FSD1: variants seen among roughly 807,000 people sequenced by gnomAD.
FSD1 encodes the protein fibronectin type III and SPRY domain-containing protein 1.
FSD1 carries 23 observed loss-of-function variants against 58.2 expected under a neutral mutation model. The observed-to-expected ratio is 0.40, with a 90% CI of 0.28 to 0.56. The LOEUF (loss-of-function observed/expected upper bound fraction) is 0.56, where lower values mean the gene tolerates loss of function less well. FSD1 is among the 20% of genes least tolerant of loss of function. The pLI is 0.54. For synonymous variants in FSD1, 265 were observed against 263.4 expected, an observed-to-expected ratio of 1.01 and a Z score of -0.06; for missense variants, 563 against 670.8, an observed-to-expected ratio of 0.84 and a Z score of 1.78.
rs1599536069 is a variant in FSD1, at chr19:4,311,826, T to C, written c.491-16T>C. Reference sequence around the variant, plus strand: ...GGCACAGAATCCCGACCCCCTCTCCTTTCCGTCTTGGTCAGTGCCCAGCGC... The same window carrying C: ...GGCACAGAATCCCGACCCCCTCTCCCTTCCGTCTTGGTCAGTGCCCAGCGC... On this transcript the variant is annotated splice_polypyrimidine_tract_variant and intron_variant, in intron 6 of 12. Coordinates refer to ENST00000221856, the MANE Select transcript of FSD1 (RefSeq NM_024333.3). 6.2e-7 allele frequency: 1 copy of C among 1,613,480 alleles called. No individual in the cohort carries two copies. Among genetic ancestry groups the C allele is most frequent in the African/African-American group, 1.3e-5 (1 of 75,018 alleles).
intron 10 of FSD1, among the ~76,000 whole-genome samples, chr19:4,321,085 C>T (rs1174509099): frequency 3.0e-5 from 4 of 131,824 alleles, no homozygotes; most frequent in Non-Finnish European, 6.2e-5. Flanking sequence ...ATAGCTGAGA[C>T]TGAGGAGTAT....
At chr19:4,316,997 T>C (rs980115818) in intron 7 of FSD1, among the ~76,000 whole-genome samples, 185 bp from the exon 8 acceptor site, 1 of 152,040 alleles carries the variant, frequency 6.6e-6, no homozygotes, top group Non-Finnish European at 1.5e-5. Context: ...AGTTGATCCA[T>C]GCGCCTCGGC....
chr19:4,309,631 C>T (rs1337282740), intron 4 of FSD1, among the ~76,000 whole-genome samples: 4 of 152,140 alleles, frequency 2.6e-5, no homozygotes, highest in African/African-American at 7.2e-5. Context: ...ATCTTTGGGC[C>T]GGGCGCAGTG....
chr19:4,306,452 C>T, intron 3 of FSD1, 123 bp downstream of exon 3: 1 of 881,796 alleles, frequency 1.1e-6, no homozygotes, highest in South Asian at 1.6e-5. Flanking sequence ...CTGACCCCTC[C>T]ATCCACCTGT....
Position 4,323,260 on chromosome 19 carries a change from G to A in FSD1, c.1291+23G>A, listed in dbSNP as rs116268486. Reference sequence around the variant, plus strand: ...AAGGTGACCCCAAGCCCCAGCTGCCGTCTCTGGCTGCCCCTGCCTGAGTCC... The same window carrying A: ...AAGGTGACCCCAAGCCCCAGCTGCCATCTCTGGCTGCCCCTGCCTGAGTCC... On this transcript the variant is annotated intron_variant, in intron 11 of 12. Coordinates refer to ENST00000221856, the MANE Select transcript of FSD1 (RefSeq NM_024333.3). This position sits in a 1 kb window ranked among gnomAD's most constrained non-coding sequence, Gnocchi z 7.7. The A allele has an allele frequency of 2.3e-3, 3,721 of 1,605,708 alleles. 88 individuals are homozygous for A. The African/African-American group carries it at 0.044, about 19-fold the overall frequency.
chr19:4,322,863 A>G (rs1971716647), intron 10 of FSD1, 123 bp from the exon 11 acceptor site: 1 of 1,190,690 alleles, frequency 8.4e-7, no homozygotes, highest in Admixed American at 2.3e-5. Context: ...GAACCTGGGG[A>G]GTGTCTCTGC....
rs754612393 is a variant in FSD1, at chr19:4,318,859, C to T, written c.960-13C>T. The T allele has an allele frequency of 3.7e-6, 6 of 1,611,946 alleles. No individual in the cohort carries two copies. In the African/African-American group the frequency reaches 6.7e-5, roughly 18 times the overall value. On this transcript the variant is annotated splice_polypyrimidine_tract_variant and intron_variant, in intron 9 of 12. Transcript: ENST00000221856. ...TGAGCCTCCTGAGCCTGCCCACTCC[C>T]TGCCCACCACAGAGGTACTCCATCT...
chr19:4,311,926 A>G lies in FSD1; in HGVS notation c.575A>G (p.Asp192Gly), dbSNP rs377698035. 1 of 1,614,126 alleles carries G rather than the reference A, an allele frequency of 6.2e-7. No individual in the cohort carries two copies. The change falls in exon 7 of 13, where the codon GAC becomes GGC. Residue 192 changes from aspartate to glycine, a missense_variant. Transcript: ENST00000221856. ...VTLVWRMPDE[D>G]SKIDHYVLEY... is the part of the protein sequence containing the mutation. ...CTGGTGTGGCGCATGCCGGATGAGG[A>G]CAGCAAGATTGACCACTACGTGCTG...
intron 6 of FSD1, 143 bp downstream of exon 6, chr19:4,310,739 G>C (rs985367828): frequency 2.8e-5 from 26 of 925,772 alleles, no homozygotes; most frequent in Non-Finnish European, 3.8e-5. Flanking sequence ...AGAATTCCAC[G>C]CCCTGTGGGG....
chr19:4,316,619 C>T lies in FSD1; in HGVS notation c.701-563C>T, dbSNP rs780670807. 9.2e-5 allele frequency among the ~76,000 whole-genome samples: 14 copies of T among 151,712 alleles called. 1 individual carries two copies. The highest frequency in any genetic ancestry group is 1.6e-4 in the Non-Finnish European group (11 of 67,946). ...AGTCGTGCAGTACAAATCTCTGAAA[C>T]AATCACTGTGACAGGGTCTTAAAGC... On this transcript the variant is annotated intron_variant, in intron 7 of 12. Coordinates refer to ENST00000221856, the MANE Select transcript of FSD1 (RefSeq NM_024333.3).
intron 7 of FSD1, among the ~76,000 whole-genome samples, chr19:4,314,375 T>C (rs1216240714): frequency 6.6e-6 from 1 of 152,106 alleles, no homozygotes; most frequent in African/African-American, 2.4e-5. Context: ...TTGAAATAAT[T>C]ATAGATCCAC....
Position 4,322,946 on chromosome 19 carries a change from A to C in FSD1, c.1040-40A>C, listed in dbSNP as rs764552245. On this transcript the variant is annotated intron_variant, in intron 10 of 12. Transcript: ENST00000221856. ...GGAAGGGCATCTGTGGCCCAGTTCTATCCAGTTCCCCTGCCCACCCCTCCT... is the reference window on the plus strand; with the variant it reads ...GGAAGGGCATCTGTGGCCCAGTTCTCTCCAGTTCCCCTGCCCACCCCTCCT... The C allele has an allele frequency of 3.8e-6, 6 of 1,582,690 alleles. No homozygotes were observed. In the South Asian group the frequency reaches 5.7e-5, roughly 15 times the overall value.
chr19:4,310,528 A>G lies in FSD1; in HGVS notation c.422A>G (p.Asn141Ser), dbSNP rs1971677291. 1.2e-6 allele frequency: 2 copies of G among 1,613,812 alleles called. No individual in the cohort carries two copies. Among genetic ancestry groups the G allele is most frequent in the African/African-American group, 1.3e-5 (1 of 74,952 alleles). Residue 141 changes from asparagine to serine, a missense_variant, in exon 6 of 13, where the codon AAC becomes AGC. Coordinates refer to ENST00000221856, the MANE Select transcript of FSD1 (RefSeq NM_024333.3). ...TCATTGAAAGCGAAGGTCAGTGACA[A>G]CATGAGTCACCTCATGGTGGACTTC... ...RLSLKAKVSD[N>S]MSHLMVDFAQ...
intron 6 of FSD1, chr19:4,311,241 G>C (rs1470115352): frequency 6.4e-6 from 1 of 155,650 alleles, no homozygotes; most frequent in Non-Finnish European, 1.4e-5. Flanking sequence ...CGTCCCCGAG[G>C]AGAAATGGAC....
intron 10 of FSD1, among the ~76,000 whole-genome samples, chr19:4,320,638 C>A (rs542050324): frequency 6.6e-6 from 1 of 152,144 alleles, no homozygotes; most frequent in African/African-American, 2.4e-5. Context: ...TTAGGAGTAT[C>A]TGGGGGGAAT....
chr19:4,314,326 C>T lies in FSD1; in HGVS notation c.700+2275C>T, dbSNP rs527473316. On this transcript the variant is annotated intron_variant, in intron 7 of 12. Transcript: ENST00000221856. ...ATTCCTCAAATCCCTCCTCCAAGTG[C>T]CCCCGCCTTTTGGTTTTGTTTTCTT... 5.9e-5 allele frequency among the ~76,000 whole-genome samples: 9 copies of T among 152,246 alleles called. No homozygotes were observed. The South Asian group carries it at 1.5e-3, about 25-fold the overall frequency.
At chr19:4,310,668 G>T in intron 6 of FSD1, 72 bp downstream of exon 6, 3 of 1,541,110 alleles carry the variant, frequency 1.9e-6, no homozygotes, top group Non-Finnish European at 2.6e-6. Flanking sequence ...CCCTGAAACA[G>T]GACCTGGAGT....
In FSD1 at chr19:4,323,240, G is replaced by A. The variant is rs1282583346; in HGVS notation, c.1291+3G>A. 3 of 1,605,152 alleles carry A rather than the reference G, an allele frequency of 1.9e-6. No individual in the cohort carries two copies. The highest frequency in any genetic ancestry group is 2.5e-6 in the Non-Finnish European group (3 of 1,179,018). ...TGTGCACTGTGACTTCCACCAAGGT[G>A]ACCCCAAGCCCCAGCTGCCGTCTCT... On this transcript the variant is annotated splice_donor_region_variant and intron_variant, in intron 11 of 12. Transcript: ENST00000221856. This position sits in a 1 kb window ranked among gnomAD's most constrained non-coding sequence, Gnocchi z 7.7.
chr19:4,307,343 T>C (rs746051518), intron 3 of FSD1, among the ~76,000 whole-genome samples: 15 of 148,800 alleles, frequency 1.0e-4, no homozygotes, highest in Non-Finnish European at 2.2e-4. Flanking sequence ...GGCATGAGCC[T>C]CTGTGCCTGG....
Sources: gnomAD v4.1 joint callset for allele counts (sites outside exome capture counted in the v4.1 genomes callset) on GRCh38, gnomAD v4.1.1 for gene constraint, Gnocchi (gnomAD v3.1) non-coding constraint, MANE v1.5 for transcripts, NCBI Gene and HGNC (gene_info 2026-07-23, HGNC 2026-07-21) for gene names.